TCERG1L: variants seen among roughly 807,000 people sequenced by gnomAD.
TCERG1L encodes transcription elongation regulator 1-like protein.
In TCERG1L, 37 loss-of-function variants were observed where a neutral mutation model predicts 56.3. The ratio of observed to expected loss-of-function variants is 0.66; its 90% CI spans 0.51 to 0.87. TCERG1L has a LOEUF of 0.87. Ranked by LOEUF, TCERG1L falls within the 40% of genes least tolerant of loss-of-function variation. The pLI is 0.00. For missense variants in TCERG1L, 799 were observed against 774.2 expected, an observed-to-expected ratio of 1.03 and a Z score of -0.38; for synonymous variants, 324 against 326.3, an observed-to-expected ratio of 0.99 and a Z score of 0.08.
chr10:131,164,852 G>C (rs1051343947), intron 5 of TCERG1L, among the ~76,000 whole-genome samples: 8 of 152,204 alleles, frequency 5.3e-5, no homozygotes, highest in African/African-American at 1.9e-4. Flanking sequence ...TGAAGTCAAT[G>C]CTCCAAAGTC....
chr10:131,182,094 G>A (rs11017802), intron 4 of TCERG1L, among the ~76,000 whole-genome samples: 10,912 of 152,194 alleles, frequency 0.072, 450 homozygotes, highest in Middle Eastern at 0.16. Context: ...TGTGCACATA[G>A]CATGGGTGTG....
chr10:131,114,473 A>G (rs1845435292), intron 9 of TCERG1L, among the ~76,000 whole-genome samples: 1 of 98,458 alleles, frequency 1.0e-5, no homozygotes, highest in South Asian at 5.0e-4. Context: ...GCTTCACCCT[A>G]GTCCCTTTCT....
At chr10:131,296,013 G>A (rs925085124) in intron 3 of TCERG1L, among the ~76,000 whole-genome samples, 5 of 151,900 alleles carry the variant, frequency 3.3e-5, no homozygotes, top group African/African-American at 9.7e-5. Context: ...TTCTTTATCA[G>A]ACATATGTTT....
At position 131,260,529 on chromosome 10, in the gene TCERG1L, A is replaced by G; in HGVS notation, c.671-85T>C. 7.7e-7 allele frequency: 1 copy of G among 1,305,480 alleles called. No homozygotes were observed. Among genetic ancestry groups the G allele is most frequent in the Non-Finnish European group, 9.7e-7 (1 of 1,025,912 alleles). The allele number at this position is 1,305,480 out of a possible 1,614,324, so 80.9% of individuals were successfully genotyped here. On this transcript the variant is annotated intron_variant, in intron 3 of 11. Coordinates refer to ENST00000368642, the MANE Select transcript of TCERG1L (RefSeq NM_174937.4). The surrounding 1 kb of genome is among the most constrained non-coding windows in gnomAD (Gnocchi z 5.8). ...GCCCATCTCGCTACCGCAAGATATC[A>G]GCCCCCAGAAAACAGGTGAGGGGGG...
At chr10:131,120,716 T>A (rs1232656809) in intron 8 of TCERG1L, among the ~76,000 whole-genome samples, 1 of 152,210 alleles carries the variant, frequency 6.6e-6, no homozygotes. Context: ...TGTGGGCAAA[T>A]GCACTGATGC....
intron 4 of TCERG1L, among the ~76,000 whole-genome samples, chr10:131,202,774 C>T (rs1194822081): frequency 1.3e-5 from 2 of 152,062 alleles, no homozygotes; most frequent in African/African-American, 4.8e-5. Context: ...TAGAAGTTTC[C>T]AATATGAGAA....
In TCERG1L at chr10:131,128,586, G is replaced by A. The variant is rs145774297; in HGVS notation, c.1259+5793C>T. Among the ~76,000 whole-genome samples, 5 of 152,272 alleles carry A rather than the reference G, an allele frequency of 3.3e-5. No homozygotes were observed. The East Asian group carries it at 7.7e-4, about 23-fold the overall frequency. On this transcript the variant is annotated intron_variant, in intron 8 of 11. Coordinates refer to ENST00000368642, the MANE Select transcript of TCERG1L (RefSeq NM_174937.4). ...CACCTTTCGAGGATACTGGGGAACCGATGCAGTATTTTGGAAATTGATATT... is the reference window on the plus strand; with the variant it reads ...CACCTTTCGAGGATACTGGGGAACCAATGCAGTATTTTGGAAATTGATATT...
At chr10:131,114,547 TATA>T (rs1003368166) in intron 9 of TCERG1L, among the ~76,000 whole-genome samples, 4 of 152,074 alleles carry the variant, frequency 2.6e-5, no homozygotes, top group African/African-American at 9.7e-5. Context: ...CTGATTCCTG[TATA>T]ATAACCTGGG....
At chr10:131,173,715 C>CA (rs1428023003) in intron 4 of TCERG1L, among the ~76,000 whole-genome samples, 3 of 152,210 alleles carry the variant, frequency 2.0e-5, no homozygotes, top group African/African-American at 7.2e-5. Context: ...GAAGGGGTGC[C>CA]ATGTAGTGCA....
intron 4 of TCERG1L, among the ~76,000 whole-genome samples, chr10:131,237,319 T>C (rs7068204): frequency 0.43 from 65,865 of 151,822 alleles, 14,459 homozygotes; most frequent in East Asian, 0.54. Flanking sequence ...CCACTTCCCA[T>C]GCTGGTCACT....
intron 9 of TCERG1L, among the ~76,000 whole-genome samples, chr10:131,115,716 T>C (rs1248631459): frequency 6.6e-6 from 1 of 151,980 alleles, no homozygotes; most frequent in Non-Finnish European, 1.5e-5. Context: ...AGGGGAGGTG[T>C]CCCTAGGGGT....
At chr10:131,115,919 C>T (rs1845455513) in intron 9 of TCERG1L, among the ~76,000 whole-genome samples, 1 of 152,170 alleles carries the variant, frequency 6.6e-6, no homozygotes, top group Admixed American at 6.5e-5. Context: ...GCCCCCTCTC[C>T]AGGACCCTGG....
chr10:131,273,779 T>C (rs1174021961), intron 3 of TCERG1L, among the ~76,000 whole-genome samples: 1 of 152,154 alleles, frequency 6.6e-6, no homozygotes, highest in Admixed American at 6.5e-5. Context: ...GGCTCTGGGC[T>C]TCCAAAAAGG....
rs1184881595 is a variant in TCERG1L, at chr10:131,178,338, G to A, written c.857-11453C>T. 2.0e-5 allele frequency among the ~76,000 whole-genome samples: 3 copies of A among 152,210 alleles called. No individual in the cohort carries two copies. In the East Asian group the frequency reaches 5.8e-4, roughly 29 times the overall value. On this transcript the variant is annotated intron_variant, in intron 4 of 11. Coordinates refer to ENST00000368642, the MANE Select transcript of TCERG1L (RefSeq NM_174937.4). The stretch of plus-strand genomic sequence containing the variant: ...TGGACGTACTTTTGAAACAAGACGA[G>A]GCAGGTTTGTATCTGAATGTCTCTT...
chr10:131,095,810 C>T (rs1448825192), intron 11 of TCERG1L: 2 of 151,860 alleles, frequency 1.3e-5, no homozygotes, highest in Admixed American at 6.6e-5. Context: ...AAAAAGAGTC[C>T]GTTTAACTCC....
intron 3 of TCERG1L, among the ~76,000 whole-genome samples, chr10:131,268,506 C>A (rs78181306): frequency 0.02 from 3,065 of 152,268 alleles, 73 homozygotes; most frequent in East Asian, 0.077. Flanking sequence ...AGTCATCAGT[C>A]CTTTGAAGTT....
rs145604388 is a variant in TCERG1L, at chr10:131,155,671, C to A, written c.1034+7451G>T. Among the ~76,000 whole-genome samples the A allele has an allele frequency of 2.4e-3, 364 of 152,304 alleles. 2 individuals carry two copies. The South Asian group carries it at 0.028, about 12-fold the overall frequency. On this transcript the variant is annotated intron_variant, in intron 6 of 11. Transcript: ENST00000368642. Reference sequence around the variant, plus strand: ...AAGATGGATAGAACTGCCACCGGCCCCATGCAGGCAGGGGGCTGACAGCAC... The same window carrying A: ...AAGATGGATAGAACTGCCACCGGCCACATGCAGGCAGGGGGCTGACAGCAC...
intron 4 of TCERG1L, among the ~76,000 whole-genome samples, chr10:131,205,700 A>G (rs1413406704): frequency 2.6e-5 from 4 of 152,256 alleles, no homozygotes; most frequent in Non-Finnish European, 4.4e-5. Context: ...CTTCCTGGAA[A>G]GGCAGCATGT....
chr10:131,233,786 C>G lies in TCERG1L; in HGVS notation c.856+26473G>C, dbSNP rs530691272. Among the ~76,000 whole-genome samples the G allele has an allele frequency of 5.9e-5, 9 of 152,290 alleles. No homozygotes were observed. In the South Asian group the frequency reaches 1.9e-3, roughly 32 times the overall value. On this transcript the variant is annotated intron_variant, in intron 4 of 11. Transcript: ENST00000368642. ...TCCCCACCAAAACGCATGATGAAAT[C>G]TGATCCTCAGTGTGGCCATGTTGGG...
Sources: allele counts gnomAD v4.1 joint callset (sites outside exome capture counted in the v4.1 genomes callset), GRCh38; gene constraint gnomAD v4.1.1; non-coding constraint Gnocchi (gnomAD v3.1); transcripts MANE v1.5; gene names NCBI Gene and HGNC (gene_info 2026-07-23, HGNC 2026-07-21).